Variants in PRKD3 observed in about 807,000 individuals in gnomAD.
PRKD3 encodes the protein serine/threonine-protein kinase D3.
A neutral mutation model predicts 99.2 loss-of-function variants in PRKD3; 47 were observed. The observed-to-expected ratio is 0.47, with a 90% CI of 0.38 to 0.60. PRKD3 has a LOEUF of 0.60. PRKD3 is among the 20% of genes least tolerant of loss of function. The pLI is 0.00. For synonymous variants in PRKD3, 392 were observed against 355.4 expected (o/e 1.10, Z -1.16); for missense variants, 1,019 against 1,088.4 (o/e 0.94, Z 0.90).
In PRKD3 at chr2:37,258,978, G is replaced by A. The variant is rs181052921; in HGVS notation, c.2145+605C>T. ...CCACCACCACTTATTTCTCAGGATG[G>A]TTGTTTCAGAATTTGGGTTATGATC... On this transcript the variant is annotated intron_variant, in intron 16 of 18. Coordinates refer to ENST00000234179, the MANE Select transcript of PRKD3 (RefSeq NM_005813.6). 6.3e-4 allele frequency among the ~76,000 whole-genome samples: 96 copies of A among 151,944 alleles called. 1 individual carries two copies. The highest frequency in any genetic ancestry group is 2.2e-3 in the African/African-American group (90 of 41,434).
chr2:37,253,402 A>C (rs1667670296), intron 18 of PRKD3, 52 bp from the exon 19 acceptor site: 1 of 1,492,774 alleles, frequency 6.7e-7, no homozygotes, highest in Admixed American at 2.1e-5. Flanking sequence ...AAATACTGTC[A>C]ACCTGGTTTT....
At chr2:37,269,142 C>A in intron 13 of PRKD3, 1 of 174,174 alleles carries the variant, frequency 5.7e-6, no homozygotes, top group South Asian at 1.4e-4. Context: ...GTTGAAGATG[C>A]TAACGCACAG....
At chr2:37,297,680 T>C (rs974365579) in intron 2 of PRKD3, among the ~76,000 whole-genome samples, 1 of 152,194 alleles carries the variant, frequency 6.6e-6, no homozygotes, top group African/African-American at 2.4e-5. Context: ...GAAGTTCTGG[T>C]CAGGTATATT....
intron 2 of PRKD3, among the ~76,000 whole-genome samples, chr2:37,298,340 C>CTA (rs151283430): frequency 0.045 from 6,810 of 152,010 alleles, 168 homozygotes; most frequent in African/African-American, 0.052. Context: ...TGGCAGCACA[C>CTA]TATAAACACT....
At position 37,258,588 on chromosome 2, in the gene PRKD3, CT is replaced by C. The variant is rs1187891612; in HGVS notation, c.2145+994del. ...TAATGTTACCAGTAGGAGTGTGCAT[CT>C]TTTGTCTACTATTTTGAAGATCAAA... On this transcript the variant is annotated intron_variant, in intron 16 of 18. Coordinates refer to ENST00000234179, the MANE Select transcript of PRKD3 (RefSeq NM_005813.6). 1.5e-4 allele frequency among the ~76,000 whole-genome samples: 23 copies of C among 152,272 alleles called. No individual in the cohort carries two copies. In the East Asian group the frequency reaches 4.4e-3, roughly 29 times the overall value.
intron 2 of PRKD3, among the ~76,000 whole-genome samples, chr2:37,303,557 TCTGCTC>T (rs1360518531): frequency 1.3e-5 from 2 of 151,926 alleles, no homozygotes; most frequent in Non-Finnish European, 2.9e-5. Flanking sequence ...AGGTATGAAG[TCTGCTC>T]CTGCCATCAC....
At position 37,316,313 on chromosome 2, in the gene PRKD3, T is replaced by A; in HGVS notation, c.212A>T (p.Glu71Val). ...SFLLQIGLTRESVTIEAQELS... is the reference protein window; with the variant it reads ...SFLLQIGLTRVSVTIEAQELS... ...TTCCTGGGCTTCAATGGTAACACTCTCCCGTGTGAGGCCAATTTGCAGTAG... is the reference window on the plus strand; with the variant it reads ...TTCCTGGGCTTCAATGGTAACACTCACCCGTGTGAGGCCAATTTGCAGTAG... The change falls in exon 2 of 19, where the codon GAG becomes GTG. Residue 71 changes from glutamate (E) to valine (V), a missense_variant. Around this residue, in one of 3 missense-constraint regions of PRKD3, gnomAD observed 710 missense variants for 692.7 expected, o/e 1.02. Coordinates refer to ENST00000234179, the MANE Select transcript of PRKD3 (RefSeq NM_005813.6). 6.2e-7 allele frequency: 1 copy of A among 1,614,222 alleles called. No individual in the cohort carries two copies. Among genetic ancestry groups the A allele is most frequent in the Non-Finnish European group, 8.5e-7 (1 of 1,180,042 alleles).
chr2:37,287,495 C>T lies in PRKD3; in HGVS notation c.718-1126G>A, dbSNP rs1670178302. Among the ~76,000 whole-genome samples, 3 of 151,892 alleles carry T rather than the reference C, an allele frequency of 2.0e-5. No homozygotes were observed. In the South Asian group the frequency reaches 6.2e-4, roughly 32 times the overall value. On this transcript the variant is annotated intron_variant, in intron 5 of 18. Coordinates refer to ENST00000234179, the MANE Select transcript of PRKD3 (RefSeq NM_005813.6). ...ATTAATGTAGAATTACCCAACTTCT[C>T]TGAATTACAAACATGACTAGTTATA... is the stretch of plus-strand genomic sequence containing the variant.
intron 14 of PRKD3, among the ~76,000 whole-genome samples, chr2:37,263,957 C>T (rs150604459): frequency 7.8e-4 from 119 of 152,284 alleles, no homozygotes; most frequent in African/African-American, 2.8e-3. Context: ...AGAAATTTCC[C>T]TCTAGGTTTT....
At chr2:37,277,718 A>C (rs541100735) in intron 9 of PRKD3, 148 bp downstream of exon 9, 2 of 787,496 alleles carry the variant, frequency 2.5e-6, no homozygotes, top group Admixed American at 6.4e-5. Flanking sequence ...TACAAATTTA[A>C]CTATAATTCC....
intron 14 of PRKD3, 124 bp from the exon 15 acceptor site, chr2:37,260,508 C>T: frequency 1.1e-6 from 1 of 900,436 alleles, no homozygotes; most frequent in Non-Finnish European, 1.7e-6. Context: ...ACAAAGCAAA[C>T]AAAATAAAAA....
At chr2:37,277,813 T>C (rs1669648417) in intron 9 of PRKD3, 53 bp downstream of exon 9, 4 of 1,582,898 alleles carry the variant, frequency 2.5e-6, no homozygotes, top group South Asian at 2.3e-5. Context: ...ATGCACAGAA[T>C]GAAACTCATA....
chr2:37,273,807 T>G (rs1669427552), intron 11 of PRKD3, among the ~76,000 whole-genome samples: 1 of 151,924 alleles, frequency 6.6e-6, no homozygotes, highest in African/African-American at 2.4e-5. Context: ...GAAGTGACAT[T>G]ATAGTGACCT....
Position 37,266,445 on chromosome 2 carries a change from C to G in PRKD3, c.1884+985G>C, listed in dbSNP as rs191156802. Among the ~76,000 whole-genome samples, 228 of 151,628 alleles carry G rather than the reference C, an allele frequency of 1.5e-3. 1 individual carries two copies. Among genetic ancestry groups the G allele is most frequent in the African/African-American group, 5.3e-3 (218 of 41,322 alleles). ...GGTACAAGTGATTCTCCTGTCTCAG[C>G]CTCCCAAGTAGCTTAGATTACAGGC... On this transcript the variant is annotated intron_variant, in intron 14 of 18. Coordinates refer to ENST00000234179, the MANE Select transcript of PRKD3 (RefSeq NM_005813.6).
At chr2:37,324,471 CCCGCCCAGCGCGGCTGACA>C (rs2124917371) in intron 1 of PRKD3, 191 bp downstream of exon 1, 1 of 151,428 alleles carries the variant, frequency 6.6e-6, no homozygotes, top group Admixed American at 6.6e-5. Context: ...CCCCCAACTT[CCCGCCCAGCGCGGCTGACA>C]CCGCCCAGCC....
At position 37,316,871 on chromosome 2, in the gene PRKD3, C is replaced by CCTG; in HGVS notation, c.-348_-347insCAG. On this transcript the variant is annotated 5_prime_UTR_variant, in exon 2 of 19. Coordinates refer to ENST00000234179, the MANE Select transcript of PRKD3 (RefSeq NM_005813.6). Reference sequence around the variant, plus strand: ...TATTTTCCTTTCAGTCTGTACTTGTCTCTTTAATTTCAGGAAATACATATT... The same window carrying CCTG: ...TATTTTCCTTTCAGTCTGTACTTGTCCTGTCTTTAATTTCAGGAAATACATATT... 9.6e-7 allele frequency: 1 copy of CCTG among 1,040,042 alleles called. No individual in the cohort carries two copies. Among genetic ancestry groups the CCTG allele is most frequent in the African/African-American group, 1.7e-5 (1 of 58,826 alleles). 64.4% of individuals were successfully genotyped at this position (1,040,042 alleles called of 1,614,324 possible). A position where few individuals can be genotyped will look rare whatever the true frequency, so the allele number is the denominator to read the frequency against.
At position 37,260,208 on chromosome 2, in the gene PRKD3, AAGG is replaced by A. The variant is rs1668313046; in HGVS notation, c.2046+12_2046+14del. The A allele has an allele frequency of 1.3e-6, 2 of 1,569,598 alleles. No homozygotes were observed. The highest frequency in any genetic ancestry group is 1.7e-6 in the Non-Finnish European group (2 of 1,160,374). ...TTTTAATCGCTAGTTTAAAAAAAAAAAGGAGTTAAAATACCTGTGTGACCATGA... is the reference window on the plus strand; with the variant it reads ...TTTTAATCGCTAGTTTAAAAAAAAAAAGTTAAAATACCTGTGTGACCATGA... On this transcript the variant is annotated intron_variant, in intron 15 of 18. Transcript: ENST00000234179.
chr2:37,287,962 T>C (rs1447245796), intron 5 of PRKD3, among the ~76,000 whole-genome samples: 2 of 152,236 alleles, frequency 1.3e-5, no homozygotes, highest in Admixed American at 6.5e-5. Context: ...AGCCCTTCCA[T>C]GCTACAAGTT....
rs1019816878 is a variant in PRKD3, at chr2:37,252,723, T to C, written c.*454A>G. On this transcript the variant is annotated 3_prime_UTR_variant, in exon 19 of 19. Transcript: ENST00000234179. ...ATAATGGTAACCTCACAGTTACCTC[T>C]TAAATACAAGCCTGTCGAGTAATCA... 6.6e-6 allele frequency: 1 copy of C among 151,998 alleles called. No homozygotes were observed. The highest frequency in any genetic ancestry group is 2.4e-5 in the African/African-American group (1 of 41,420). The allele number at this position is 151,998 out of a possible 1,614,324, so 9.4% of individuals were successfully genotyped here.
Sources: gnomAD v4.1 joint callset for allele counts (sites outside exome capture counted in the v4.1 genomes callset) on GRCh38, gnomAD v4.1.1 for gene constraint, gnomAD v4.1.1 regional missense constraint, MANE v1.5 for transcripts, NCBI Gene and HGNC (gene_info 2026-07-23, HGNC 2026-07-21) for gene names.